Variants in SYCP2 observed in about 807,000 individuals in gnomAD.
SYCP2 encodes synaptonemal complex lateral element protein.
Under a neutral mutation model 211.3 loss-of-function variants are expected in SYCP2, and 55 were observed. The ratio of observed to expected loss-of-function variants is 0.26; its 90% CI spans 0.21 to 0.33. The LOEUF is 0.33. Ranked by LOEUF, SYCP2 falls within the 10% of genes least tolerant of loss-of-function variation. The pLI is 1.00. For synonymous variants in SYCP2, 570 were observed against 555.2 expected (o/e 1.03, Z -0.37); for missense variants, 1,731 against 1,752.0 (o/e 0.99, Z 0.21).
Position 59,875,479 on chromosome 20 carries a change from T to G in SYCP2, c.3151-10A>C, listed in dbSNP as rs1390929915. On this transcript the variant is annotated splice_polypyrimidine_tract_variant and intron_variant, in intron 33 of 44. Transcript: ENST00000357552. ...AATGGATATTCTCCTCCTAAATGTA[T>G]CAATAACTTTCAAATTATACTCAAG... 6.3e-7 allele frequency: 1 copy of G among 1,588,836 alleles called. No homozygotes were observed. The highest frequency in any genetic ancestry group is 1.7e-5 in the Admixed American group (1 of 57,298).
chr20:59,912,079 A>G, intron 13 of SYCP2: 1 of 399,474 alleles, frequency 2.5e-6, no homozygotes, highest in Non-Finnish European at 4.5e-6. Flanking sequence ...AAGTGCTAAT[A>G]AAGGTTGAAA....
chr20:59,926,831 C>T (rs1291263935), intron 2 of SYCP2, among the ~76,000 whole-genome samples: 2 of 152,116 alleles, frequency 1.3e-5, no homozygotes. Flanking sequence ...TACCCCCTTG[C>T]ACATAAGGCA....
chr20:59,931,228 T>C (rs1426827881), intron 2 of SYCP2, among the ~76,000 whole-genome samples: 3 of 152,192 alleles, frequency 2.0e-5, no homozygotes, highest in South Asian at 2.1e-4. Context: ...CAGACCAGCA[T>C]GGGCAACATG....
intron 18 of SYCP2, among the ~76,000 whole-genome samples, chr20:59,896,751 T>C (rs1314505203): frequency 6.6e-6 from 1 of 152,172 alleles, no homozygotes; most frequent in East Asian, 1.9e-4. Context: ...AACATTGTTT[T>C]AAAGAATATT....
At chr20:59,924,697 TTAAA>T (rs776999988) in intron 2 of SYCP2, among the ~76,000 whole-genome samples, 3 of 151,904 alleles carry the variant, frequency 2.0e-5, no homozygotes, top group Non-Finnish European at 2.9e-5. Context: ...GAGATATACC[TTAAA>T]TAAAGGGCTA....
intron 18 of SYCP2, among the ~76,000 whole-genome samples, chr20:59,897,103 C>A (rs1278375265): frequency 6.6e-6 from 1 of 151,952 alleles, no homozygotes; most frequent in Non-Finnish European, 1.5e-5. Flanking sequence ...ATAAGAGGGA[C>A]AGAAGTAGAT....
intron 14 of SYCP2, among the ~76,000 whole-genome samples, chr20:59,908,773 A>G (rs926485315): frequency 1.1e-4 from 17 of 151,984 alleles, no homozygotes; most frequent in Non-Finnish European, 8.8e-5. Flanking sequence ...CCCACTCTCC[A>G]TTATACTCCT....
In SYCP2 at chr20:59,865,860, A is replaced by G. The variant is rs1333306416; in HGVS notation, c.4326T>C (p.Phe1442=). The change falls in exon 42 of 45, where the codon TTT becomes TTC. Residue 1442 remains phenylalanine, a synonymous_variant. Transcript: ENST00000357552. The part of the protein sequence containing the change: ...LKDLEKEFVD[F]WEKIFQKFSA... Reference sequence around the variant, plus strand: ...TGAACTTCTGAAATATCTTTTCCCAAAAGTCCTAAATTAATTAATAAAATT... The same window carrying G: ...TGAACTTCTGAAATATCTTTTCCCAGAAGTCCTAAATTAATTAATAAAATT... 2.2e-6 allele frequency: 3 copies of G among 1,379,096 alleles called. No individual in the cohort carries two copies. Among genetic ancestry groups the G allele is most frequent in the Non-Finnish European group, 2.9e-6 (3 of 1,029,144 alleles). 85.4% of individuals were successfully genotyped at this position (1,379,096 alleles called of 1,614,324 possible). A position where few individuals can be genotyped will look rare whatever the true frequency, so the allele number is the denominator to read the frequency against.
chr20:59,877,038 T>TC (rs1405974486), intron 33 of SYCP2, among the ~76,000 whole-genome samples: 2 of 152,150 alleles, frequency 1.3e-5, no homozygotes, highest in African/African-American at 2.4e-5. Context: ...GGGAAGAACC[T>TC]CAGACACCAA....
At chr20:59,883,666 C>T (rs2059728853) in intron 26 of SYCP2, among the ~76,000 whole-genome samples, 2 of 150,732 alleles carry the variant, frequency 1.3e-5, no homozygotes, top group South Asian at 4.2e-4. Context: ...AATCTATAGA[C>T]ATAAGATAAT....
chr20:59,913,065 T>C (rs1398523994), intron 12 of SYCP2, among the ~76,000 whole-genome samples: 1 of 152,220 alleles, frequency 6.6e-6, no homozygotes, highest in Non-Finnish European at 1.5e-5. Context: ...TGCTATCAAA[T>C]ATGAGCAGAG....
At chr20:59,926,961 T>C (rs1488977192) in intron 2 of SYCP2, among the ~76,000 whole-genome samples, 1 of 152,164 alleles carries the variant, frequency 6.6e-6, no homozygotes, top group African/African-American at 2.4e-5. Flanking sequence ...AGATTCTGGA[T>C]AACTGACAGA....
intron 35 of SYCP2, among the ~76,000 whole-genome samples, chr20:59,873,122 C>T (rs992210444): frequency 6.6e-6 from 1 of 152,002 alleles, no homozygotes; most frequent in Non-Finnish European, 1.5e-5. Flanking sequence ...TTTCTTTTTC[C>T]TAATTTCATG....
intron 35 of SYCP2, among the ~76,000 whole-genome samples, chr20:59,871,633 T>G (rs990539150): frequency 6.6e-6 from 1 of 151,866 alleles, no homozygotes; most frequent in Admixed American, 6.6e-5. Flanking sequence ...AGGGATTGGT[T>G]CTAGGACCTC....
At position 59,865,833 on chromosome 20, in the gene SYCP2, A is replaced by G; in HGVS notation, c.4353T>C (p.Ser1451=). 6.9e-7 allele frequency: 1 copy of G among 1,444,838 alleles called. No homozygotes were observed. Among genetic ancestry groups the G allele is most frequent in the South Asian group, 1.6e-5 (1 of 62,272 alleles). The allele number at this position is 1,444,838 out of a possible 1,614,324, so 89.5% of individuals were successfully genotyped here. Reference sequence around the variant, plus strand: ...TCTGTTGTTCGCTTTTTTGATATGCACTGAACTTCTGAAATATCTTTTCCC... The same window carrying G: ...TCTGTTGTTCGCTTTTTTGATATGCGCTGAACTTCTGAAATATCTTTTCCC... The part of the protein sequence containing the change: ...DFWEKIFQKF[S]AYQKSEQQRL... Residue 1451 remains serine (S), a synonymous_variant, in exon 42 of 45, where the codon AGT becomes AGC. Transcript: ENST00000357552.
At chr20:59,877,668 T>A in intron 32 of SYCP2, 113 bp from the exon 33 acceptor site, 3 of 834,900 alleles carry the variant, frequency 3.6e-6, no homozygotes, top group Non-Finnish European at 5.6e-6. Flanking sequence ...TTTGTAAGAA[T>A]GATTCTTGAT....
intron 12 of SYCP2, 40 bp downstream of exon 12, chr20:59,913,935 T>A: frequency 6.7e-7 from 1 of 1,501,058 alleles, no homozygotes; most frequent in Non-Finnish European, 9.0e-7. Flanking sequence ...TGAGCTCTAT[T>A]TATTTGACAG....
intron 8 of SYCP2, 79 bp downstream of exon 8, chr20:59,916,407 A>G (rs1164901507): frequency 1.5e-5 from 12 of 801,178 alleles, no homozygotes; most frequent in African/African-American, 3.5e-5. Context: ...CCTACATGAA[A>G]TAAATTGTCA....
intron 31 of SYCP2, among the ~76,000 whole-genome samples, 181 bp from the exon 32 acceptor site, chr20:59,878,226 T>C (rs547853007): frequency 3.0e-4 from 46 of 152,260 alleles, no homozygotes; most frequent in Middle Eastern, 3.4e-3. Context: ...ATACCAGCCC[T>C]CCTGACACCG....
Sources: gnomAD v4.1 joint callset for allele counts (sites outside exome capture counted in the v4.1 genomes callset) on GRCh38, gnomAD v4.1.1 for gene constraint, MANE v1.5 for transcripts, NCBI Gene and HGNC (gene_info 2026-07-23, HGNC 2026-07-21) for gene names.